The following LRRC8C variants were observed in gnomAD, a reference collection of about 807,000 sequenced individuals.
The protein encoded by LRRC8C is leucine rich repeat containing 8 VRAC subunit C.
A neutral mutation model predicts 55.3 loss-of-function variants in LRRC8C; 20 were observed. That is an observed-to-expected ratio of 0.36 (90% CI 0.25 to 0.53). The LOEUF (loss-of-function observed/expected upper bound fraction) is 0.53, where lower values mean the gene tolerates loss of function less well. Ranked by LOEUF, LRRC8C falls within the 20% of genes least tolerant of loss-of-function variation. LRRC8C has a pLI of 0.92. For synonymous variants in LRRC8C, 376 were observed against 360.7 expected (o/e 1.04, Z -0.48); for missense variants, 659 against 951.4 (o/e 0.69, Z 4.04).
At position 89,715,001 on chromosome 1, in the gene LRRC8C, TTGAC is replaced by T. The variant is rs774462525; in HGVS notation, c.*23_*26del. 1.3e-6 allele frequency: 2 copies of T among 1,529,110 alleles called. No homozygotes were observed. Among genetic ancestry groups the T allele is most frequent in the Non-Finnish European group, 1.8e-6 (2 of 1,132,172 alleles). The allele number at this position is 1,529,110 out of a possible 1,614,324, so 94.7% of individuals were successfully genotyped here. A position where few individuals can be genotyped will look rare whatever the true frequency, so the allele number is the denominator to read the frequency against. ...AGAATAACTTATTTTTCGTTAAAGT[TTGAC>T]TGAAACACGCTTCTACCAAATACAG... On this transcript the variant is annotated 3_prime_UTR_variant, in exon 3 of 3. Transcript: ENST00000370454.
chr1:89,651,034 A>G (rs1656758762), intron 1 of LRRC8C, among the ~76,000 whole-genome samples: 1 of 152,198 alleles, frequency 6.6e-6, no homozygotes, highest in Admixed American at 6.5e-5. Flanking sequence ...CCAGTGATCA[A>G]GAAGCATAAC....
intron 2 of LRRC8C, among the ~76,000 whole-genome samples, chr1:89,698,994 AAAG>A (rs907617468): frequency 6.6e-6 from 1 of 152,176 alleles, no homozygotes; most frequent in African/African-American, 2.4e-5. Flanking sequence ...AGAAATTAAA[AAAG>A]AGAGAGAGAG....
intron 1 of LRRC8C, among the ~76,000 whole-genome samples, chr1:89,684,496 G>A (rs547616673): frequency 6.6e-6 from 1 of 152,298 alleles, no homozygotes; most frequent in South Asian, 2.1e-4. Context: ...AGGCAGTATG[G>A]CAAGTAATGG....
the LRRC8C span, among the ~76,000 whole-genome samples, chr1:89,617,530 A>G: frequency 6.6e-6 from 1 of 152,218 alleles, no homozygotes; most frequent in African/African-American, 2.4e-5. Context: ...CATTGCAGCT[A>G]TGCTATACAA....
intron 1 of LRRC8C, among the ~76,000 whole-genome samples, chr1:89,670,334 G>A (rs1222631781): frequency 2.6e-5 from 4 of 152,084 alleles, no homozygotes; most frequent in African/African-American, 4.8e-5. Flanking sequence ...TTTTATCTTG[G>A]TGTTACCAGG....
intron 2 of LRRC8C, among the ~76,000 whole-genome samples, chr1:89,697,481 G>C (rs1658206023): frequency 6.6e-6 from 1 of 152,178 alleles, no homozygotes; most frequent in Admixed American, 6.5e-5. Flanking sequence ...TGAGGTTTCA[G>C]TCCCTGGGCA....
At chr1:89,709,311 A>G (rs1476684426) in intron 2 of LRRC8C, among the ~76,000 whole-genome samples, 1 of 152,234 alleles carries the variant, frequency 6.6e-6, no homozygotes, top group African/African-American at 2.4e-5. Flanking sequence ...AACCTTGGTC[A>G]GTTTCTTCTT....
At chr1:89,668,964 G>A (rs1657344094) in intron 1 of LRRC8C, among the ~76,000 whole-genome samples, 1 of 152,104 alleles carries the variant, frequency 6.6e-6, no homozygotes, top group African/African-American at 2.4e-5. Context: ...TAGGACAGAA[G>A]TCTCCAAACA....
At chr1:89,684,109 C>T (rs1657802926) in intron 1 of LRRC8C, among the ~76,000 whole-genome samples, 1 of 151,888 alleles carries the variant, frequency 6.6e-6, no homozygotes, top group Non-Finnish European at 1.5e-5. Flanking sequence ...ATTGGTTTTT[C>T]ACTTCTAGTA....
chr1:89,663,453 C>G (rs1282007796), intron 1 of LRRC8C, among the ~76,000 whole-genome samples: 2 of 151,890 alleles, frequency 1.3e-5, no homozygotes, highest in Non-Finnish European at 2.9e-5. Flanking sequence ...ACCTGTAGTC[C>G]TAGCTACTCG....
intron 1 of LRRC8C, among the ~76,000 whole-genome samples, chr1:89,651,951 A>C (rs1330267569): frequency 6.6e-6 from 1 of 152,198 alleles, no homozygotes; most frequent in Non-Finnish European, 1.5e-5. Context: ...GTTCATGAGA[A>C]TCAATTACAG....
rs1171635157 is a variant in LRRC8C, at chr1:89,719,312, T to C, written c.*4330T>C. 6.6e-6 allele frequency: 1 copy of C among 152,220 alleles called. No homozygotes were observed. Among genetic ancestry groups the C allele is most frequent in the African/African-American group, 2.4e-5 (1 of 41,462 alleles). The allele number at this position is 152,220 out of a possible 1,614,324, so 9.4% of individuals were successfully genotyped here. A position where few individuals can be genotyped will look rare whatever the true frequency, so the allele number is the denominator to read the frequency against. The stretch of plus-strand genomic sequence containing the variant: ...CTTCCTCTTTAATGAATATTTTTAT[T>C]GGAGCTCAAACTCCATGACTTACGT... On this transcript the variant is annotated 3_prime_UTR_variant, in exon 3 of 3. Transcript: ENST00000370454.
chr1:89,631,987 A>C (rs1557642325), upstream of LRRC8C: 1 of 152,244 alleles, frequency 6.6e-6, no homozygotes, highest in Non-Finnish European at 1.5e-5. Flanking sequence ...CTGGCCAGCA[A>C]CTAGTTGTCT....
intron 1 of LRRC8C, among the ~76,000 whole-genome samples, chr1:89,637,557 G>T (rs1656325384): frequency 6.6e-6 from 1 of 152,034 alleles, no homozygotes; most frequent in African/African-American, 2.4e-5. Context: ...AGGCCTGCTA[G>T]ATATTGGTCA....
At chr1:89,709,255 C>T (rs994251566) in intron 2 of LRRC8C, among the ~76,000 whole-genome samples, 4 of 152,226 alleles carry the variant, frequency 2.6e-5, no homozygotes, top group Admixed American at 1.3e-4. Flanking sequence ...TCCTGTTCTG[C>T]CATTTCCTAG....
chr1:89,654,466 C>T (rs1274204530), intron 1 of LRRC8C, among the ~76,000 whole-genome samples: 2 of 152,160 alleles, frequency 1.3e-5, no homozygotes, highest in Admixed American at 6.5e-5. Context: ...GTCAAGTTGG[C>T]AGCTGGATAT....
the LRRC8C span, among the ~76,000 whole-genome samples, chr1:89,616,450 C>CT: frequency 6.6e-6 from 1 of 152,316 alleles, no homozygotes; most frequent in South Asian, 2.1e-4. Context: ...GTGATTATTA[C>CT]TTGTTCCTGC....
chr1:89,713,191 G>C lies in LRRC8C; in HGVS notation c.621G>C (p.Leu207=). 1 of 1,614,126 alleles carries C rather than the reference G, an allele frequency of 6.2e-7. No individual in the cohort carries two copies. Among genetic ancestry groups the C allele is most frequent in the Non-Finnish European group, 8.5e-7 (1 of 1,179,994 alleles). Residue 207 remains leucine (L), a synonymous_variant, in exon 3 of 3, where the codon CTG becomes CTC. Coordinates refer to ENST00000370454, the MANE Select transcript of LRRC8C (RefSeq NM_032270.5). The surrounding 1 kb of genome is among the most constrained non-coding windows in gnomAD (Gnocchi z 5.2). Reference sequence around the variant, plus strand: ...TCCAATCTGGTCCAGAAGACAGCCTGGTCAACTCTCAGTCTTTAAAGTCCA... The same window carrying C: ...TCCAATCTGGTCCAGAAGACAGCCTCGTCAACTCTCAGTCTTTAAAGTCCA... ...NTIQSGPEDS[L]VNSQSLKSIP...
At chr1:89,639,185 C>T (rs943072286) in intron 1 of LRRC8C, among the ~76,000 whole-genome samples, 4 of 151,958 alleles carry the variant, frequency 2.6e-5, no homozygotes, top group Non-Finnish European at 5.9e-5. Flanking sequence ...TAGGGTTTCA[C>T]CATGTTGGCC....
Sources: allele counts gnomAD v4.1 joint callset (sites outside exome capture counted in the v4.1 genomes callset), GRCh38; gene constraint gnomAD v4.1.1; non-coding constraint Gnocchi (gnomAD v3.1); transcripts MANE v1.5; gene names NCBI Gene and HGNC (gene_info 2026-07-23, HGNC 2026-07-21).